RBM26: variants seen among roughly 807,000 people sequenced by gnomAD.
RBM26 encodes RNA binding motif protein 26, also known as RNA-binding protein 26.
In RBM26, 30 loss-of-function variants were observed where a neutral mutation model predicts 123.6. The ratio of observed to expected loss-of-function variants is 0.24; its 90% CI spans 0.18 to 0.33. The LOEUF (loss-of-function observed/expected upper bound fraction) is 0.33, where lower values mean the gene tolerates loss of function less well. Among genes scored for constraint, RBM26 ranks in the 10% least tolerant of loss-of-function variants. The probability of loss-of-function intolerance (pLI) is 1.00; values close to 1 mark genes in which losing one functional copy is unlikely to be tolerated. For synonymous variants in RBM26, 400 were observed against 404.4 expected (o/e 0.99, Z 0.13); for missense variants, 947 against 1,203.6 (o/e 0.79, Z 3.15).
intron 3 of RBM26, among the ~76,000 whole-genome samples, chr13:79,373,999 A>G (rs925856936): frequency 2.0e-5 from 3 of 151,976 alleles, no homozygotes; most frequent in African/African-American, 7.3e-5. Flanking sequence ...TAGAGGTTGA[A>G]CAAATTCAGG....
At chr13:79,354,654 C>A in intron 12 of RBM26, 84 bp from the exon 13 acceptor site, 1 of 1,257,104 alleles carries the variant, frequency 8.0e-7, no homozygotes, top group Non-Finnish European at 1.0e-6. Context: ...ACTACATTGC[C>A]CATGCAGAGA....
At chr13:79,384,671 G>T (rs1317137642) in intron 1 of RBM26, among the ~76,000 whole-genome samples, 1 of 152,140 alleles carries the variant, frequency 6.6e-6, no homozygotes, top group Non-Finnish European at 1.5e-5. Context: ...TATATCTGGG[G>T]TGGAGAGGGA....
chr13:79,359,172 C>T (rs549988546), intron 10 of RBM26, among the ~76,000 whole-genome samples: 6 of 152,148 alleles, frequency 3.9e-5, no homozygotes, highest in Non-Finnish European at 5.9e-5. Flanking sequence ...CTCCAACCCC[C>T]ACAAAAGCCC....
intron 9 of RBM26, among the ~76,000 whole-genome samples, chr13:79,361,455 CACTT>C (rs1452489377): frequency 6.6e-6 from 1 of 152,178 alleles, no homozygotes; most frequent in Non-Finnish European, 1.5e-5. Context: ...TCAATGTCCA[CACTT>C]ACTAACTTTG....
At chr13:79,345,335 T>TA (rs2072137079) in intron 14 of RBM26, among the ~76,000 whole-genome samples, 1 of 152,002 alleles carries the variant, frequency 6.6e-6, no homozygotes, top group Admixed American at 6.6e-5. Flanking sequence ...TCAAGACCTC[T>TA]AACAAAGCCT....
chr13:79,398,811 T>G (rs1198542905), intron 1 of RBM26, among the ~76,000 whole-genome samples: 4 of 152,204 alleles, frequency 2.6e-5, no homozygotes, highest in South Asian at 2.1e-4. Flanking sequence ...ATAGCTCACA[T>G]ATCTGCTGTT....
intron 1 of RBM26, among the ~76,000 whole-genome samples, chr13:79,392,583 TTATA>T (rs2078192331): frequency 6.8e-6 from 1 of 146,826 alleles, no homozygotes; most frequent in Admixed American, 6.9e-5. Context: ...CATATATAAT[TTATA>T]TATATTTATA....
At chr13:79,392,760 G>T (rs1316675955) in intron 1 of RBM26, among the ~76,000 whole-genome samples, 2 of 147,474 alleles carry the variant, frequency 1.4e-5, no homozygotes, top group Non-Finnish European at 3.0e-5. Flanking sequence ...CAAAACTGTA[G>T]TATTTTTTAA....
At position 79,318,904 on chromosome 13, in the gene RBM26, A is replaced by G. The variant is rs2067387063; in HGVS notation, c.*1717T>C. 1 of 979,660 alleles carries G rather than the reference A, an allele frequency of 1.0e-6. No homozygotes were observed. The highest frequency in any genetic ancestry group is 6.2e-5 in the Admixed American group (1 of 16,136). The allele number at this position is 979,660 out of a possible 1,614,324, so 60.7% of individuals were successfully genotyped here. On this transcript the variant is annotated 3_prime_UTR_variant, in exon 22 of 22. Transcript: ENST00000438737. ...ACTAAAAAGAAAAGAAAACAAACTT[A>G]CCTAATGAATCAGAATAGCACATAG...
At chr13:79,367,951 T>C (rs57368093) in intron 6 of RBM26, among the ~76,000 whole-genome samples, 5 of 152,186 alleles carry the variant, frequency 3.3e-5, no homozygotes, top group African/African-American at 9.7e-5. Flanking sequence ...CTAAAAAAAA[T>C]TGCAATGATG....
chr13:79,354,352 T>C, intron 13 of RBM26, 87 bp downstream of exon 13: 1 of 1,124,082 alleles, frequency 8.9e-7, no homozygotes, highest in Non-Finnish European at 1.2e-6. Flanking sequence ...ATGTAAAATA[T>C]ATACAATTAA....
intron 10 of RBM26, 82 bp downstream of exon 10, chr13:79,359,493 A>G: frequency 1.5e-6 from 1 of 688,648 alleles, no homozygotes; most frequent in Admixed American, 2.9e-5. Flanking sequence ...GGAAGAAACC[A>G]AACCATATTG....
intron 18 of RBM26, among the ~76,000 whole-genome samples, chr13:79,339,594 T>C (rs746881883): frequency 3.3e-5 from 5 of 152,254 alleles, no homozygotes; most frequent in Middle Eastern, 6.8e-3. Flanking sequence ...CAAGGATTAA[T>C]ATTAGTAATA....
intron 9 of RBM26, among the ~76,000 whole-genome samples, chr13:79,362,897 A>G (rs956802056): frequency 6.6e-6 from 1 of 152,202 alleles, no homozygotes; most frequent in Admixed American, 6.5e-5. Flanking sequence ...CTTGGTATAT[A>G]CTCAGCAAAT....
At chr13:79,390,115 T>A (rs192392258) in intron 1 of RBM26, among the ~76,000 whole-genome samples, 177 of 152,306 alleles carry the variant, frequency 1.2e-3, no homozygotes, top group Admixed American at 2.3e-3. Flanking sequence ...GACTGATTTT[T>A]GGTTTCTATT....
intron 11 of RBM26, among the ~76,000 whole-genome samples, chr13:79,355,903 C>T (rs1422471066): frequency 6.6e-6 from 1 of 152,118 alleles, no homozygotes; most frequent in Non-Finnish European, 1.5e-5. Flanking sequence ...ACATTTGATA[C>T]ATGAGAAAAC....
In RBM26 at chr13:79,344,776, C is replaced by T. The variant is rs1295212215; in HGVS notation, c.2077G>A (p.Gly693Ser). 2 of 1,612,474 alleles carry T rather than the reference C, an allele frequency of 1.2e-6. No individual in the cohort carries two copies. The highest frequency in any genetic ancestry group is 1.7e-6 in the Non-Finnish European group (2 of 1,179,278). ...GGATTATACACTGTTTTTGTTAGGC[C>T]AGTAGATGTAGACAACACCTACCAA... Reference protein sequence around the residue: ...ATEKVLSTSTGLTKTVYNPAA... With the variant: ...ATEKVLSTSTSLTKTVYNPAA... The change falls in exon 15 of 22, where the codon GGC (glycine) becomes AGC (serine). Residue 693 changes from glycine to serine, a missense_variant. Around this residue, in one of 5 missense-constraint regions of RBM26, gnomAD observed 493 missense variants for 563.1 expected, o/e 0.88. Transcript: ENST00000438737.
chr13:79,392,352 T>C (rs1248873272), intron 1 of RBM26, among the ~76,000 whole-genome samples: 1 of 143,646 alleles, frequency 7.0e-6, no homozygotes, highest in Non-Finnish European at 1.5e-5. Context: ...CATTATATAT[T>C]ATTTATGATG....
intron 5 of RBM26, 150 bp from the exon 6 acceptor site, chr13:79,369,140 A>G (rs553486679): frequency 1.0e-5 from 5 of 489,818 alleles, no homozygotes; most frequent in Non-Finnish European, 1.7e-5. Flanking sequence ...TATTCAATTA[A>G]TATACAATGT....
Sources: allele counts gnomAD v4.1 joint callset (sites outside exome capture counted in the v4.1 genomes callset), GRCh38; gene constraint gnomAD v4.1.1; regional missense constraint gnomAD v4.1.1; transcripts MANE v1.5; gene names NCBI Gene and HGNC (gene_info 2026-07-23, HGNC 2026-07-21).